DSCAML1: variants seen among roughly 807,000 people sequenced by gnomAD.
The protein encoded by DSCAML1 is DS cell adhesion molecule like 1.
A neutral mutation model predicts 200.5 loss-of-function variants in DSCAML1; 38 were observed. That is an observed-to-expected ratio of 0.19 (90% CI 0.15 to 0.25). DSCAML1 has a LOEUF of 0.25. Among genes scored for constraint, DSCAML1 ranks in the 10% least tolerant of loss-of-function variants. The probability of loss-of-function intolerance (pLI) is 1.00; values close to 1 mark genes in which losing one functional copy is unlikely to be tolerated. For missense variants in DSCAML1, 2,223 were observed against 2,858.8 expected, an observed-to-expected ratio of 0.78 and a Z score of 5.07; for synonymous variants, 1,215 against 1,165.0, an observed-to-expected ratio of 1.04 and a Z score of -0.87.
intron 11 of DSCAML1, among the ~76,000 whole-genome samples, chr11:117,486,459 C>T (rs479469): frequency 0.043 from 2,186 of 51,282 alleles, 28 homozygotes; most frequent in African/African-American, 0.064. Flanking sequence ...ATGAAAGTAG[C>T]GGATGTGAAA....
upstream of DSCAML1, among the ~76,000 whole-genome samples, chr11:117,799,810 A>C (rs1460832899): frequency 6.6e-6 from 1 of 152,238 alleles, no homozygotes; most frequent in Non-Finnish European, 1.5e-5. Context: ...GCGAGGATTA[A>C]ATAAGACAAG....
chr11:117,650,412 AAATG>A (rs369113397), intron 3 of DSCAML1, among the ~76,000 whole-genome samples: 3 of 152,040 alleles, frequency 2.0e-5, no homozygotes, highest in African/African-American at 4.8e-5. Context: ...TTAGTTGAAG[AAATG>A]AATGAATGAA....
chr11:117,471,675 A>G (rs1422192267), intron 15 of DSCAML1, among the ~76,000 whole-genome samples, 194 bp downstream of exon 15: 1 of 131,874 alleles, frequency 7.6e-6, no homozygotes. Flanking sequence ...CCCAGTATCT[A>G]GAACCCCGCT....
chr11:117,498,096 G>A lies in DSCAML1; in HGVS notation c.2359+5749C>T, dbSNP rs1275274664. 6.6e-6 allele frequency among the ~76,000 whole-genome samples: 1 copy of A among 152,218 alleles called. No individual in the cohort carries two copies. Among genetic ancestry groups the A allele is most frequent in the Non-Finnish European group, 1.5e-5 (1 of 68,034 alleles). ...CTGTGCTGAGCTGGGTGCCAGAAGTGAGAGTTCCCACCCAGGGAGGCGAAG... is the reference window on the plus strand; with the variant it reads ...CTGTGCTGAGCTGGGTGCCAGAAGTAAGAGTTCCCACCCAGGGAGGCGAAG... On this transcript the variant is annotated intron_variant, in intron 11 of 32. Transcript: ENST00000651296. This position sits in a 1 kb window ranked among gnomAD's most constrained non-coding sequence, Gnocchi z 4.0.
At chr11:117,472,615 G>A (rs577070780) in intron 14 of DSCAML1, among the ~76,000 whole-genome samples, 3 of 152,134 alleles carry the variant, frequency 2.0e-5, no homozygotes, top group East Asian at 1.9e-4. Flanking sequence ...TTCCTTCATC[G>A]ACAGGAGGAT....
intron 1 of DSCAML1, among the ~76,000 whole-genome samples, chr11:117,811,472 T>C (rs906014712): frequency 6.6e-6 from 1 of 152,154 alleles, no homozygotes; most frequent in Non-Finnish European, 1.5e-5. Context: ...CCCAGCTACA[T>C]CTCCAGCACA....
In DSCAML1 at chr11:117,716,847, C is replaced by T. The variant is rs189022165; in HGVS notation, c.511+59944G>A. Among the ~76,000 whole-genome samples the T allele has an allele frequency of 1.1e-4, 16 of 152,314 alleles. No homozygotes were observed. In the East Asian group the frequency reaches 2.9e-3, roughly 28 times the overall value. ...CTCACCCATGTATTGTCCACAGCTG[C>T]TTGTGCGCTGCCACGGCAGAGCTGA... On this transcript the variant is annotated intron_variant, in intron 3 of 32. Transcript: ENST00000651296.
At position 117,463,559 on chromosome 11, in the gene DSCAML1, G is replaced by A. The variant is rs561520307; in HGVS notation, c.3265+1383C>T. Among the ~76,000 whole-genome samples, 59 of 152,266 alleles carry A rather than the reference G, an allele frequency of 3.9e-4. 2 individuals are homozygous for A. The South Asian group carries it at 0.011, about 29-fold the overall frequency. Reference sequence around the variant, plus strand: ...TCAGGGCTGGGAACCAGGTGTTAGGGCACTGCTCAAATGAACACTCCTGGC... The same window carrying A: ...TCAGGGCTGGGAACCAGGTGTTAGGACACTGCTCAAATGAACACTCCTGGC... On this transcript the variant is annotated intron_variant, in intron 17 of 32. Transcript: ENST00000651296. This position sits in a 1 kb window ranked among gnomAD's most constrained non-coding sequence, Gnocchi z 4.0.
chr11:117,506,018 C>G (rs1418145394), intron 8 of DSCAML1, among the ~76,000 whole-genome samples: 1 of 152,226 alleles, frequency 6.6e-6, no homozygotes, highest in Non-Finnish European at 1.5e-5. Context: ...GCCTGCTGAT[C>G]TCTGCTCACC....
intron 3 of DSCAML1, among the ~76,000 whole-genome samples, chr11:117,614,569 C>A (rs912523453): frequency 1.3e-5 from 2 of 152,172 alleles, no homozygotes; most frequent in South Asian, 4.1e-4. Flanking sequence ...GTTGTTGATT[C>A]TTTAAAACAA....
chr11:117,697,794 C>T (rs1210815945), intron 3 of DSCAML1, among the ~76,000 whole-genome samples: 7 of 144,276 alleles, frequency 4.9e-5, no homozygotes, highest in South Asian at 2.2e-4. Context: ...TTTTTTTAGA[C>T]GGAGTCTCGC....
At chr11:117,458,489 T>C (rs2048417251) in intron 19 of DSCAML1, among the ~76,000 whole-genome samples, 1 of 151,026 alleles carries the variant, frequency 6.6e-6, no homozygotes, top group African/African-American at 2.4e-5. Flanking sequence ...GAGGAGAGGG[T>C]TTTTCCGGCC....
At chr11:117,692,623 T>C (rs1488009157) in intron 3 of DSCAML1, among the ~76,000 whole-genome samples, 1 of 152,154 alleles carries the variant, frequency 6.6e-6, no homozygotes, top group Non-Finnish European at 1.5e-5. Flanking sequence ...AGTAATATCA[T>C]AATCATAATA....
In DSCAML1 at chr11:117,524,982, T is replaced by C. The variant is rs1360900573; in HGVS notation, c.760A>G (p.Ile254Val). The C allele has an allele frequency of 1.9e-6, 3 of 1,612,398 alleles. No individual in the cohort carries two copies. The highest frequency in any genetic ancestry group is 3.3e-5 in the Admixed American group (2 of 59,832). Residue 254 changes from isoleucine (I) to valine (V), a missense_variant, in exon 5 of 33, where the codon ATC (isoleucine) becomes GTC (valine). Around this residue, in one of 7 missense-constraint regions of DSCAML1, gnomAD observed 579 missense variants for 721.5 expected, o/e 0.80. Transcript: ENST00000651296. ...ELPCTASGYP[I>V]PAIRWLKDGR... ...TCCTTGAGCCAGCGGATGGCGGGGA[T>C]AGGGTAGCCCGAGGCGGTGCAGGGC...
intron 3 of DSCAML1, among the ~76,000 whole-genome samples, chr11:117,684,435 T>TAAAAAAAAAAAA (rs149958154): frequency 2.3e-4 from 17 of 74,588 alleles, no homozygotes; most frequent in African/African-American, 3.8e-4. Context: ...TTTCATTAAC[T>TAAAAAAAAAAAA]AAAAAAAAAA....
chr11:117,745,587 C>T (rs2054503967), intron 3 of DSCAML1, among the ~76,000 whole-genome samples: 2 of 152,196 alleles, frequency 1.3e-5, no homozygotes, highest in Admixed American at 1.3e-4. Context: ...GGGATGTCAG[C>T]ACCCAGACAG....
chr11:117,566,885 A>C (rs1431450676), intron 3 of DSCAML1, among the ~76,000 whole-genome samples: 1 of 151,806 alleles, frequency 6.6e-6, no homozygotes, highest in Non-Finnish European at 1.5e-5. Flanking sequence ...AATTTCATCC[A>C]TGTCCCTACA....
At position 117,502,248 on chromosome 11, in the gene DSCAML1, C is replaced by T. The variant is rs962515859; in HGVS notation, c.2359+1597G>A. On this transcript the variant is annotated intron_variant, in intron 11 of 32. Coordinates refer to ENST00000651296, the MANE Select transcript of DSCAML1 (RefSeq NM_020693.4). ...TGACCGCTGTGTCCTCCGGCACCCGCGACCCCTGCATCTCCATGGAACAAC... is the reference window on the plus strand; with the variant it reads ...TGACCGCTGTGTCCTCCGGCACCCGTGACCCCTGCATCTCCATGGAACAAC... 1.1e-4 allele frequency among the ~76,000 whole-genome samples: 17 copies of T among 152,294 alleles called. No individual in the cohort carries two copies. In the East Asian group the frequency reaches 2.7e-3, roughly 24 times the overall value.
At chr11:117,768,412 T>C (rs142124976) in intron 3 of DSCAML1, among the ~76,000 whole-genome samples, 118 of 152,304 alleles carry the variant, frequency 7.7e-4, no homozygotes, top group Non-Finnish European at 1.5e-3. Context: ...GTGGATTCAC[T>C]CTCCATCTGT....
Sources: gnomAD v4.1 joint callset for allele counts (sites outside exome capture counted in the v4.1 genomes callset) on GRCh38, gnomAD v4.1.1 for gene constraint, gnomAD v4.1.1 regional missense constraint, Gnocchi (gnomAD v3.1) non-coding constraint, MANE v1.5 for transcripts, NCBI Gene and HGNC (gene_info 2026-07-23, HGNC 2026-07-21) for gene names.